SEMA5A: variants seen among roughly 807,000 people sequenced by gnomAD.
SEMA5A encodes semaphorin-5A.
Under a neutral mutation model 135.5 loss-of-function variants are expected in SEMA5A, and 55 were observed. That is an observed-to-expected ratio of 0.41 (90% CI 0.33 to 0.51). SEMA5A has a LOEUF of 0.51. SEMA5A is among the 20% of genes least tolerant of loss of function. The pLI, the probability that SEMA5A is intolerant of heterozygous loss-of-function variation, is 0.37. For synonymous variants in SEMA5A, 580 were observed against 546.5 expected, an observed-to-expected ratio of 1.06 and a Z score of -0.85; for missense variants, 1,290 against 1,419.9, an observed-to-expected ratio of 0.91 and a Z score of 1.47.
intron 1 of SEMA5A, among the ~76,000 whole-genome samples, chr5:9,442,772 T>A (rs1052654495): frequency 6.6e-6 from 1 of 152,084 alleles, no homozygotes; most frequent in Non-Finnish European, 1.5e-5. Flanking sequence ...AAATAAAAAG[T>A]CAAAACATCA....
At chr5:9,282,107 A>C (rs2150566323) in intron 5 of SEMA5A, among the ~76,000 whole-genome samples, 1 of 152,244 alleles carries the variant, frequency 6.6e-6, no homozygotes, top group African/African-American at 2.4e-5. Flanking sequence ...CACCGTGCCC[A>C]GCCCAGGCAC....
At chr5:9,217,586 T>C (rs1239011428) in intron 8 of SEMA5A, among the ~76,000 whole-genome samples, 1 of 152,240 alleles carries the variant, frequency 6.6e-6, no homozygotes, top group Non-Finnish European at 1.5e-5. Flanking sequence ...AAATATGTTT[T>C]CCAATTTGTT....
intron 2 of SEMA5A, among the ~76,000 whole-genome samples, chr5:9,403,267 A>C (rs527577066): frequency 3.3e-5 from 5 of 152,318 alleles, no homozygotes; most frequent in African/African-American, 1.2e-4. Flanking sequence ...ACTCCCCAAT[A>C]CAAACCAGAC....
At chr5:9,209,096 G>A (rs892151417) in intron 8 of SEMA5A, among the ~76,000 whole-genome samples, 1 of 152,136 alleles carries the variant, frequency 6.6e-6, no homozygotes, top group African/African-American at 2.4e-5. Flanking sequence ...GAAATGGGCT[G>A]GCTTCCCCTA....
chr5:9,147,112 C>T (rs886973906), intron 12 of SEMA5A, among the ~76,000 whole-genome samples: 23 of 152,188 alleles, frequency 1.5e-4, no homozygotes, highest in African/African-American at 4.8e-4. Flanking sequence ...CTATTAACTC[C>T]GGCTTTTAAA....
At chr5:9,062,251 T>A (rs1737223477) in intron 18 of SEMA5A, among the ~76,000 whole-genome samples, 1 of 151,808 alleles carries the variant, frequency 6.6e-6, no homozygotes, top group Non-Finnish European at 1.5e-5. Context: ...CCCAGGGAGG[T>A]CCCACTGTGG....
Position 9,538,172 on chromosome 5 carries a change from A to C in SEMA5A, c.-175+7412T>G, listed in dbSNP as rs897789142. ...TGAGAGGCAATTCGTATGTATCTCT[A>C]CCCAAAACCTATATTCAGCATTACA... On this transcript the variant is annotated intron_variant, in intron 1 of 22. Transcript: ENST00000382496. 2.0e-5 allele frequency among the ~76,000 whole-genome samples: 3 copies of C among 152,278 alleles called. No homozygotes were observed. The Middle Eastern group carries it at 0.01, about 522-fold the overall frequency.
chr5:9,213,379 G>A (rs968055138), intron 8 of SEMA5A, among the ~76,000 whole-genome samples: 1 of 152,188 alleles, frequency 6.6e-6, no homozygotes, highest in African/African-American at 2.4e-5. Flanking sequence ...TGTAGTGGTG[G>A]GAGGAAATAA....
intron 2 of SEMA5A, among the ~76,000 whole-genome samples, chr5:9,421,783 C>T (rs956703268): frequency 1.3e-5 from 2 of 152,160 alleles, no homozygotes; most frequent in African/African-American, 4.8e-5. Context: ...GTTTCATCTA[C>T]TTACTGGACA....
intron 16 of SEMA5A, among the ~76,000 whole-genome samples, chr5:9,078,797 G>A (rs1363568916): frequency 6.6e-6 from 1 of 151,980 alleles, no homozygotes; most frequent in Non-Finnish European, 1.5e-5. Flanking sequence ...CAGACATAGG[G>A]TAAAGCCATA....
intron 19 of SEMA5A, among the ~76,000 whole-genome samples, chr5:9,052,952 C>T (rs1736673323): frequency 6.6e-6 from 1 of 152,252 alleles, no homozygotes; most frequent in East Asian, 1.9e-4. Flanking sequence ...CAAACTTGTG[C>T]TTTGCTCCAG....
chr5:9,351,152 ATC>A (rs1456673079), intron 3 of SEMA5A, among the ~76,000 whole-genome samples: 1 of 110,824 alleles, frequency 9.0e-6, no homozygotes, highest in Non-Finnish European at 2.0e-5. Context: ...TAGCATCAGA[ATC>A]TCTTAGGCAG....
rs937217911 is a variant in SEMA5A at position 9,509,741 on chromosome 5, C to T, written c.-175+35843G>A. Among the ~76,000 whole-genome samples, 3 of 152,258 alleles carry T rather than the reference C, an allele frequency of 2.0e-5. 1 individual carries two copies. In the South Asian group the frequency reaches 6.2e-4, roughly 32 times the overall value. On this transcript the variant is annotated intron_variant, in intron 1 of 22. Coordinates refer to ENST00000382496, the MANE Select transcript of SEMA5A (RefSeq NM_003966.3). ...CTTAAAGTTGAGTTTCTGAGTTAGA[C>T]CACTGGCAAATCAGCTGCTCTCACT...
chr5:9,532,855 TC>T (rs1274297442), intron 1 of SEMA5A, among the ~76,000 whole-genome samples: 1 of 152,162 alleles, frequency 6.6e-6, no homozygotes, highest in Non-Finnish European at 1.5e-5. Context: ...TCAGCTGTTC[TC>T]CTTTATGCTC....
chr5:9,099,552 T>G (rs1739510064), intron 16 of SEMA5A, among the ~76,000 whole-genome samples: 1 of 152,196 alleles, frequency 6.6e-6, no homozygotes, highest in African/African-American at 2.4e-5. Context: ...CAAGGTCATG[T>G]CTTTAGCTTT....
chr5:9,353,278 A>AGGAAAGGAG, intron 3 of SEMA5A, among the ~76,000 whole-genome samples: 1 of 140,730 alleles, frequency 7.1e-6, no homozygotes, highest in African/African-American at 2.7e-5. Context: ...AGGAAAGGAA[A>AGGAAAGGAG]GGAAAGGAGG....
intron 1 of SEMA5A, among the ~76,000 whole-genome samples, chr5:9,443,756 A>T (rs1355453109): frequency 6.6e-6 from 1 of 152,278 alleles, no homozygotes; most frequent in Non-Finnish European, 1.5e-5. Flanking sequence ...GGTACGAGGG[A>T]GGAGGGCCAG....
chr5:9,068,604 G>A (rs1443383179), intron 16 of SEMA5A, among the ~76,000 whole-genome samples: 1 of 152,184 alleles, frequency 6.6e-6, no homozygotes, highest in Non-Finnish European at 1.5e-5. Flanking sequence ...GCTGGACAGA[G>A]CAGGTCTAGT....
At chr5:9,417,660 C>T (rs1318362639) in intron 2 of SEMA5A, among the ~76,000 whole-genome samples, 1 of 152,224 alleles carries the variant, frequency 6.6e-6, no homozygotes, top group East Asian at 1.9e-4. Flanking sequence ...TACTTCTGTG[C>T]CTTGTCTTTA....
Sources: allele counts gnomAD v4.1 joint callset (sites outside exome capture counted in the v4.1 genomes callset), GRCh38; gene constraint gnomAD v4.1.1; transcripts MANE v1.5; gene names NCBI Gene and HGNC (gene_info 2026-07-23, HGNC 2026-07-21).